Variants in ABLIM1 observed in about 807,000 individuals in gnomAD.
The protein encoded by ABLIM1 is actin binding LIM protein 1.
Under a neutral mutation model 107.0 loss-of-function variants are expected in ABLIM1, and 40 were observed. The observed-to-expected ratio is 0.37, with a 90% CI of 0.29 to 0.49. The LOEUF is 0.49. ABLIM1 is among the 20% of genes least tolerant of loss of function. The pLI is 0.97. For missense variants in ABLIM1, 857 were observed against 1,008.5 expected, an observed-to-expected ratio of 0.85 and a Z score of 2.04; for synonymous variants, 357 against 357.3, an observed-to-expected ratio of 1.00 and a Z score of 0.01.
upstream of ABLIM1, among the ~76,000 whole-genome samples, chr10:114,663,170 C>A (rs1017841886): frequency 6.6e-6 from 1 of 152,224 alleles, no homozygotes; most frequent in Non-Finnish European, 1.5e-5. Context: ...CCCATTGGAA[C>A]TTTCTGAAAA....
chr10:114,602,927 C>A (rs1024644923), intron 1 of ABLIM1, among the ~76,000 whole-genome samples: 7 of 152,170 alleles, frequency 4.6e-5, no homozygotes, highest in Admixed American at 3.9e-4. Context: ...GCTTTGAGCT[C>A]ACCAAGAGTC....
intron 20 of ABLIM1, 144 bp from the exon 21 acceptor site, chr10:114,439,394 A>T (rs2059884035): frequency 3.6e-6 from 3 of 827,992 alleles, no homozygotes; most frequent in Admixed American, 2.0e-5. Context: ...TGTATTTTTC[A>T]AAATGAGATC....
At chr10:114,765,868 A>G (rs1176171364) in intron 1 of ABLIM1, among the ~76,000 whole-genome samples, 1 of 152,200 alleles carries the variant, frequency 6.6e-6, no homozygotes, top group Non-Finnish European at 1.5e-5. Context: ...ACACTTTGTC[A>G]TTACCAAATG....
At chr10:114,440,192 T>A in intron 19 of ABLIM1, 103 bp from the exon 20 acceptor site, 1 of 1,228,068 alleles carries the variant, frequency 8.1e-7, no homozygotes, top group South Asian at 1.2e-5. Flanking sequence ...ATATTCGCCC[T>A]ATAAACCATG....
the ABLIM1 span, among the ~76,000 whole-genome samples, chr10:114,795,150 C>A: frequency 6.6e-6 from 1 of 152,140 alleles, no homozygotes; most frequent in East Asian, 1.9e-4. Flanking sequence ...AAGGGTCACA[C>A]AAACATTCTT....
intron 1 of ABLIM1, among the ~76,000 whole-genome samples, chr10:114,652,970 G>A (rs79783987): frequency 5.8e-4 from 88 of 152,260 alleles, no homozygotes; most frequent in African/African-American, 2.0e-3. Context: ...GCTGAAGTAC[G>A]TAATTAGCAA....
intron 12 of ABLIM1, among the ~76,000 whole-genome samples, chr10:114,462,418 C>T (rs866956741): frequency 1.9e-4 from 29 of 151,972 alleles, no homozygotes; most frequent in Non-Finnish European, 1.2e-4. Flanking sequence ...GAAGCATTGC[C>T]GACAATGATG....
chr10:114,739,729 CA>C (rs2082250101), intron 1 of ABLIM1, among the ~76,000 whole-genome samples: 1 of 152,016 alleles, frequency 6.6e-6, no homozygotes, highest in Admixed American at 6.6e-5. Context: ...TTTCTGCCAT[CA>C]AAAACATGAA....
chr10:114,439,307 G>GAGT (rs1172105696), intron 20 of ABLIM1, 57 bp from the exon 21 acceptor site: 1 of 1,587,296 alleles, frequency 6.3e-7, no homozygotes, highest in East Asian at 2.2e-5. Context: ...AAACTGAAGG[G>GAGT]AGTACTCTTG....
chr10:114,732,500 T>A (rs2082097110), intron 1 of ABLIM1, among the ~76,000 whole-genome samples: 1 of 135,734 alleles, frequency 7.4e-6, no homozygotes, highest in Admixed American at 7.3e-5. Context: ...TTTGCAAATA[T>A]TTTTTCCCAT....
chr10:114,469,244 A>G (rs945626286), intron 10 of ABLIM1, among the ~76,000 whole-genome samples: 3 of 152,190 alleles, frequency 2.0e-5, no homozygotes, highest in African/African-American at 7.2e-5. Context: ...CAACCACAGC[A>G]ATCACCATAA....
Position 114,539,733 on chromosome 10 carries a change from G to A in ABLIM1, c.894+5272C>T, listed in dbSNP as rs77336236. Among the ~76,000 whole-genome samples the A allele has an allele frequency of 7.0e-3, 1,065 of 152,284 alleles. 13 individuals carry two copies. Among genetic ancestry groups the A allele is most frequent in the African/African-American group, 0.024 (1,015 of 41,552 alleles). The stretch of plus-strand genomic sequence containing the variant: ...CTGGAAAGGATGTCTGCTGGAGTGA[G>A]AGCTGTCCTAGGGCTATCTACCAAA... On this transcript the variant is annotated intron_variant, in intron 6 of 22. Transcript: ENST00000533213.
upstream of ABLIM1, among the ~76,000 whole-genome samples, chr10:114,660,457 GAA>G (rs1405085431): frequency 3.5e-5 from 5 of 141,970 alleles, no homozygotes; most frequent in Non-Finnish European, 7.6e-5. Flanking sequence ...TTTAAAAAAA[GAA>G]AAGAAAAGAA....
intron 1 of ABLIM1, among the ~76,000 whole-genome samples, chr10:114,633,543 C>T (rs2078306566): frequency 6.6e-6 from 1 of 152,194 alleles, no homozygotes; most frequent in Admixed American, 6.5e-5. Flanking sequence ...ACACCACTCC[C>T]CGCACCCATG....
At chr10:114,459,180 C>T (rs1236362303) in intron 12 of ABLIM1, among the ~76,000 whole-genome samples, 14 of 152,240 alleles carry the variant, frequency 9.2e-5, no homozygotes, top group Admixed American at 2.6e-4. Flanking sequence ...TGGCAAAGGG[C>T]GCCCCCTGCC....
intron 1 of ABLIM1, among the ~76,000 whole-genome samples, chr10:114,761,024 T>A (rs965147720): frequency 1.3e-5 from 2 of 152,182 alleles, no homozygotes; most frequent in Non-Finnish European, 2.9e-5. Flanking sequence ...GAGGAGAAAC[T>A]GTAGTTGATA....
intron 12 of ABLIM1, among the ~76,000 whole-genome samples, chr10:114,462,813 A>G (rs1398363602): frequency 1.3e-5 from 2 of 152,074 alleles, no homozygotes; most frequent in Non-Finnish European, 2.9e-5. Flanking sequence ...TTATGGTCTT[A>G]AACATACTTC....
At chr10:114,547,938 T>G (rs1250408315) in intron 4 of ABLIM1, among the ~76,000 whole-genome samples, 162 bp from the exon 5 acceptor site, 1 of 152,224 alleles carries the variant, frequency 6.6e-6, no homozygotes. Flanking sequence ...TCTTTCTTGG[T>G]GAAGGCTCAC....
chr10:114,443,170 C>A (rs574815044), intron 17 of ABLIM1, among the ~76,000 whole-genome samples: 6 of 152,230 alleles, frequency 3.9e-5, no homozygotes, highest in Non-Finnish European at 8.8e-5. Context: ...GAGAAGAAAT[C>A]TTGTGGTTTA....
Sources: allele counts gnomAD v4.1 joint callset (sites outside exome capture counted in the v4.1 genomes callset), GRCh38; gene constraint gnomAD v4.1.1; transcripts MANE v1.5; gene names NCBI Gene and HGNC (gene_info 2026-07-23, HGNC 2026-07-21).